The following CSMD2 variants were observed in gnomAD, a reference collection of about 807,000 sequenced individuals.
CSMD2 encodes CUB and Sushi multiple domains 2.
CSMD2 carries 130 observed loss-of-function variants against 398.5 expected under a neutral mutation model. The observed-to-expected ratio is 0.33, with a 90% CI of 0.28 to 0.38. CSMD2 has a LOEUF of 0.38. Ranked by LOEUF, CSMD2 falls within the 10% of genes least tolerant of loss-of-function variation. CSMD2 has a pLI of 1.00. For missense variants in CSMD2, 3,829 were observed against 4,764.9 expected (o/e 0.80, Z 5.78); for synonymous variants, 1,828 against 1,908.5 (o/e 0.96, Z 1.10).
intron 1 of CSMD2, among the ~76,000 whole-genome samples, chr1:34,125,401 T>G (rs1662628423): frequency 6.6e-6 from 1 of 152,106 alleles, no homozygotes; most frequent in Non-Finnish European, 1.5e-5. Flanking sequence ...ATCAGGCATA[T>G]GGGGCTCCTT....
intron 4 of CSMD2, among the ~76,000 whole-genome samples, chr1:33,931,843 T>C (rs967337814): frequency 4.6e-5 from 7 of 152,156 alleles, no homozygotes; most frequent in Non-Finnish European, 4.4e-5. Context: ...ATCTGTGCCT[T>C]AGCAAGTTCT....
At chr1:33,527,614 A>G (rs1654888590) in intron 64 of CSMD2, among the ~76,000 whole-genome samples, 2 of 152,338 alleles carry the variant, frequency 1.3e-5, no homozygotes, top group South Asian at 2.1e-4. Flanking sequence ...AGTCAGGAAC[A>G]TGAACAATAT....
At chr1:34,043,321 C>G (rs781487631) in intron 2 of CSMD2, among the ~76,000 whole-genome samples, 12 of 152,188 alleles carry the variant, frequency 7.9e-5, no homozygotes, top group Non-Finnish European at 1.8e-4. Context: ...ACCCAGGCGG[C>G]CTCCACCTTA....
At chr1:33,716,575 C>A in intron 19 of CSMD2, 74 bp from the exon 20 acceptor site, 1 of 1,066,182 alleles carries the variant, frequency 9.4e-7, no homozygotes, top group Non-Finnish European at 1.4e-6. Flanking sequence ...ACAGGATCTA[C>A]ACAAACATTT....
intron 1 of CSMD2, among the ~76,000 whole-genome samples, chr1:34,145,666 G>A (rs1397564878): frequency 1.3e-5 from 2 of 152,188 alleles, no homozygotes; most frequent in East Asian, 1.9e-4. Flanking sequence ...CTCAGAGAAC[G>A]GGAGAACATC....
At chr1:34,066,538 C>T (rs545006623) in intron 2 of CSMD2, among the ~76,000 whole-genome samples, 1 of 152,266 alleles carries the variant, frequency 6.6e-6, no homozygotes, top group African/African-American at 2.4e-5. Context: ...CCATGAAGCT[C>T]GAGCTGCAAG....
chr1:33,909,717 C>T (rs115173445), intron 5 of CSMD2, among the ~76,000 whole-genome samples: 103 of 152,198 alleles, frequency 6.8e-4, no homozygotes, highest in African/African-American at 2.2e-3. Context: ...TGAAGATGAC[C>T]GCTCATGGTC....
At chr1:33,839,189 A>C (rs2125060682) in intron 6 of CSMD2, 1 of 152,358 alleles carries the variant, frequency 6.6e-6, no homozygotes. Context: ...ACATATGAGA[A>C]GTCCAGAAAG....
At chr1:33,817,621 T>C (rs4387148) in intron 9 of CSMD2, among the ~76,000 whole-genome samples, 105,383 of 152,146 alleles carry the variant, frequency 0.69, 37,998 homozygotes, top group African/African-American at 0.91. Context: ...GAAGCTTATG[T>C]GGACAGTGCC....
chr1:33,778,093 C>T (rs574064419), intron 12 of CSMD2, among the ~76,000 whole-genome samples: 1 of 152,336 alleles, frequency 6.6e-6, no homozygotes, highest in East Asian at 1.9e-4. Context: ...CTTGCATTAA[C>T]AGACTTTGGT....
At chr1:33,819,624 G>A in intron 9 of CSMD2, 89 bp downstream of exon 9, 1 of 1,241,274 alleles carries the variant, frequency 8.1e-7, no homozygotes, top group South Asian at 1.4e-5. Flanking sequence ...CTGCTTGAGA[G>A]CCTGGGCCTC....
chr1:33,841,793 GA>G (rs1370250352), intron 6 of CSMD2, among the ~76,000 whole-genome samples: 1 of 152,192 alleles, frequency 6.6e-6, no homozygotes, highest in Non-Finnish European at 1.5e-5. Flanking sequence ...GTGGAAACCT[GA>G]AGTCCCACCC....
chr1:33,757,252 A>G (rs1348428589), intron 13 of CSMD2, among the ~76,000 whole-genome samples: 1 of 152,160 alleles, frequency 6.6e-6, no homozygotes, highest in East Asian at 1.9e-4. Flanking sequence ...GCACATGTAT[A>G]CATATGTAAC....
chr1:33,768,382 T>C (rs957393210), intron 13 of CSMD2, among the ~76,000 whole-genome samples: 5 of 152,068 alleles, frequency 3.3e-5, no homozygotes, highest in Non-Finnish European at 7.4e-5. Flanking sequence ...AAATATCCTA[T>C]AATACACAAT....
intron 15 of CSMD2, among the ~76,000 whole-genome samples, chr1:33,728,437 A>G (rs1220017194): frequency 2.0e-5 from 3 of 152,200 alleles, no homozygotes; most frequent in African/African-American, 7.2e-5. Flanking sequence ...GAAGATTATA[A>G]TAAGGGTAGT....
chr1:33,543,000 G>T, intron 57 of CSMD2, 104 bp from the exon 58 acceptor site: 1 of 906,244 alleles, frequency 1.1e-6, no homozygotes, highest in Non-Finnish European at 1.7e-6. Context: ...TCGGGACCTC[G>T]TGGATAGAAA....
chr1:33,639,868 T>C (rs1643013387), intron 29 of CSMD2, among the ~76,000 whole-genome samples: 1 of 152,214 alleles, frequency 6.6e-6, no homozygotes, highest in Non-Finnish European at 1.5e-5. Context: ...TCAAGGCACT[T>C]TCCAAGCCGT....
chr1:33,540,615 C>T lies in CSMD2; in HGVS notation c.9541G>A (p.Ala3181Thr). The T allele has an allele frequency of 1.2e-6, 2 of 1,614,192 alleles. No homozygotes were observed. Among genetic ancestry groups the T allele is most frequent in the Non-Finnish European group, 1.7e-6 (2 of 1,180,042 alleles). Residue 3181 changes from alanine to threonine, a missense_variant, in exon 60 of 71, where the codon GCC becomes ACC. By Grantham distance (58) the Ala-to-Thr change is moderately conservative. Coordinates refer to ENST00000373381, the MANE Select transcript of CSMD2 (RefSeq NM_001281956.2). ...DFMWGSSVTY[A>T]CLEGYQLSLP... ...GAGAGCTGGTACCCCTCCAGGCAGG[C>T]ATAAGTCACACTTGAGCCCCACATG...
chr1:33,816,077 T>A (rs1215306140), intron 9 of CSMD2, among the ~76,000 whole-genome samples: 2 of 152,112 alleles, frequency 1.3e-5, no homozygotes, highest in East Asian at 3.9e-4. Flanking sequence ...CTTTTACAGA[T>A]GAGGAAAAAG....
Sources: allele counts gnomAD v4.1 joint callset (sites outside exome capture counted in the v4.1 genomes callset), GRCh38; gene constraint gnomAD v4.1.1; transcripts MANE v1.5; gene names NCBI Gene and HGNC (gene_info 2026-07-23, HGNC 2026-07-21).